BEND6: variants seen among roughly 807,000 people sequenced by gnomAD.
The protein encoded by BEND6 is BEN domain containing 6.
A neutral mutation model predicts 31.8 loss-of-function variants in BEND6; 24 were observed. The observed-to-expected ratio is 0.75, with a 90% confidence interval of 0.55 to 1.06. The LOEUF is 1.06. Among genes scored for constraint, BEND6 ranks in the 50% least tolerant of loss-of-function variants. The probability of loss-of-function intolerance (pLI) is 0.00; values close to 1 mark genes in which losing one functional copy is unlikely to be tolerated. For synonymous variants in BEND6, 109 were observed against 114.6 expected (o/e 0.95, Z 0.31); for missense variants, 294 against 327.4 (o/e 0.90, Z 0.79).
At chr6:56,987,642 A>G (rs370230923) in intron 2 of BEND6, among the ~76,000 whole-genome samples, 23 of 152,208 alleles carry the variant, frequency 1.5e-4, no homozygotes, top group African/African-American at 4.1e-4. Flanking sequence ...ATCAGATTTC[A>G]TGCTAATCAA....
rs939231931 is a variant in BEND6, at chr6:57,026,272, C to T, written c.*200C>T. 1 of 152,148 alleles carries T rather than the reference C, an allele frequency of 6.6e-6. No individual in the cohort carries two copies. The highest frequency in any genetic ancestry group is 1.5e-5 in the Non-Finnish European group (1 of 68,026). The allele number at this position is 152,148 out of a possible 1,614,324, so 9.4% of individuals were successfully genotyped here. A position where few individuals can be genotyped will look rare whatever the true frequency, so the allele number is the denominator to read the frequency against. ...CTGAAGAAGCTGCATGTAGATTCCA[C>T]CCTCAGTACTAGTGATGCATCAAAC... On this transcript the variant is annotated 3_prime_UTR_variant, in exon 7 of 7. Coordinates refer to ENST00000370746, the MANE Select transcript of BEND6 (RefSeq NM_152731.3).
intron 1 of BEND6, among the ~76,000 whole-genome samples, chr6:56,964,304 A>G (rs1386756265): frequency 6.6e-6 from 1 of 152,170 alleles, no homozygotes; most frequent in Non-Finnish European, 1.5e-5. Context: ...CTACCAATAA[A>G]AAAGAGTATC....
rs1439809794 is a variant in BEND6, at chr6:57,026,208, G to A, written c.*136G>A. On this transcript the variant is annotated 3_prime_UTR_variant, in exon 7 of 7. Transcript: ENST00000370746. ...TGCAGTGACAGGCTGTAAGACATAT[G>A]TAACATTGCTGAGCTCTCCTAAGGG... 1.1e-4 allele frequency: 17 copies of A among 152,190 alleles called. No homozygotes were observed. The highest frequency in any genetic ancestry group is 2.5e-4 in the Non-Finnish European group (17 of 68,034). 9.4% of individuals were successfully genotyped at this position (152,190 alleles called of 1,614,324 possible).
chr6:56,994,636 G>T (rs959728716), intron 3 of BEND6, among the ~76,000 whole-genome samples: 18 of 151,976 alleles, frequency 1.2e-4, no homozygotes, highest in African/African-American at 4.4e-4. Flanking sequence ...GTTGCTATGA[G>T]AATTCAATGA....
chr6:56,995,660 T>A (rs1826679953), intron 3 of BEND6, among the ~76,000 whole-genome samples: 1 of 152,170 alleles, frequency 6.6e-6, no homozygotes, highest in Non-Finnish European at 1.5e-5. Context: ...TGTTCTTGTG[T>A]GCTTCTCTCT....
Position 57,026,892 on chromosome 6 carries a change from T to A in BEND6, c.*820T>A, listed in dbSNP as rs1325670976. On this transcript the variant is annotated 3_prime_UTR_variant, in exon 7 of 7. Transcript: ENST00000370746. Reference sequence around the variant, plus strand: ...AGATGTGTAATATAAAGCATCAATATCACCTAACACATCGTATATAAGATA... The same window carrying A: ...AGATGTGTAATATAAAGCATCAATAACACCTAACACATCGTATATAAGATA... 6.6e-6 allele frequency: 1 copy of A among 152,214 alleles called. No individual in the cohort carries two copies. The highest frequency in any genetic ancestry group is 1.5e-5 in the Non-Finnish European group (1 of 68,042). 9.4% of individuals were successfully genotyped at this position (152,214 alleles called of 1,614,324 possible).
chr6:56,964,919 A>T (rs1232367824), intron 1 of BEND6, among the ~76,000 whole-genome samples: 1 of 152,190 alleles, frequency 6.6e-6, no homozygotes, highest in Non-Finnish European at 1.5e-5. Context: ...AAAGAGATTC[A>T]TCCCATTTCC....
chr6:56,966,808 T>G (rs1383489511), intron 1 of BEND6, among the ~76,000 whole-genome samples: 3 of 152,304 alleles, frequency 2.0e-5, no homozygotes, highest in Non-Finnish European at 4.4e-5. Context: ...ACAGAGGGAC[T>G]CTGGTACAGA....
intron 1 of BEND6, among the ~76,000 whole-genome samples, chr6:56,978,917 C>T (rs35735810): frequency 0.13 from 19,510 of 152,178 alleles, 1,462 homozygotes; most frequent in Middle Eastern, 0.2. Flanking sequence ...CAAGCACTTA[C>T]AGCAAAACTT....
At chr6:56,963,181 C>T (rs1477566143) in intron 1 of BEND6, among the ~76,000 whole-genome samples, 1 of 152,190 alleles carries the variant, frequency 6.6e-6, no homozygotes, top group African/African-American at 2.4e-5. Flanking sequence ...TGCAGCTCTT[C>T]CCCTAAAGGA....
intron 2 of BEND6, among the ~76,000 whole-genome samples, chr6:56,991,246 A>G (rs1016806508): frequency 1.3e-5 from 2 of 152,098 alleles, no homozygotes; most frequent in Non-Finnish European, 2.9e-5. Flanking sequence ...GCTCTTGCAA[A>G]TCTTTTGTTG....
intron 1 of BEND6, among the ~76,000 whole-genome samples, chr6:56,963,256 CCCTACCCAGATTAATGAAGGCCAACCCGA>C (rs1480815715): frequency 6.6e-6 from 1 of 152,154 alleles, no homozygotes. Context: ...CTTAGGCTAC[CCCTACCCAGATTAATGAAGGCCAACCCGA>C]CACTCCAGCA....
chr6:57,015,192 A>C lies in BEND6; in HGVS notation c.358A>C (p.Lys120Gln), dbSNP rs199545074. The change falls in exon 4 of 7, where the codon AAG becomes CAG. Residue 120 changes from lysine (K) to glutamine (Q), a missense_variant. Coordinates refer to ENST00000370746, the MANE Select transcript of BEND6 (RefSeq NM_152731.3). ...ELVGMAEALL[K>Q]GGGTMSTSAS... ...GGTTGGTATGGCCGAGGCTCTGCTT[A>C]AGGGTGGGGGAACCATGTCTACATC... The C allele has an allele frequency of 8.3e-4, 1,335 of 1,614,048 alleles. 1 individual carries two copies. The highest frequency in any genetic ancestry group is 1.1e-3 in the Non-Finnish European group (1,301 of 1,180,032).
At chr6:57,003,954 A>G (rs576419365) in intron 3 of BEND6, among the ~76,000 whole-genome samples, 1 of 152,344 alleles carries the variant, frequency 6.6e-6, no homozygotes, top group East Asian at 1.9e-4. Context: ...ATAGATGTGG[A>G]AAAAGCTTTA....
At position 56,968,312 on chromosome 6, in the gene BEND6, C is replaced by CTTTTTTTTTT. The variant is rs779756084; in HGVS notation, c.-101+12869_-101+12878dup. Among the ~76,000 whole-genome samples, 49 of 65,988 alleles carry CTTTTTTTTTT rather than the reference C, an allele frequency of 7.4e-4. 1 individual carries two copies. Among genetic ancestry groups the CTTTTTTTTTT allele is most frequent in the East Asian group, 2.7e-3 (5 of 1,820 alleles). 43.3% of individuals were successfully genotyped at this position (65,988 alleles called of 152,430 possible). ...TTCTTTTTCTTTCTTTCTTTCTTTT[C>CTTTTTTTTTT]TTTTTTTTTTTTTTTTTTTTTTTTT... On this transcript the variant is annotated intron_variant, in intron 1 of 6. Transcript: ENST00000370746.
chr6:56,991,711 A>G (rs1826508466), intron 2 of BEND6, among the ~76,000 whole-genome samples: 1 of 152,124 alleles, frequency 6.6e-6, no homozygotes, highest in Non-Finnish European at 1.5e-5. Flanking sequence ...ATATATATAC[A>G]GAAGAATACA....
rs908316781 is a variant in BEND6 at position 57,010,852 on chromosome 6, A to T, written c.299-4281A>T. 1.5e-5 allele frequency: 11 copies of T among 729,156 alleles called. No homozygotes were observed. The African/African-American group carries it at 2.1e-4, about 14-fold the overall frequency. 45.2% of individuals were successfully genotyped at this position (729,156 alleles called of 1,614,324 possible). A position where few individuals can be genotyped will look rare whatever the true frequency, so the allele number is the denominator to read the frequency against. On this transcript the variant is annotated intron_variant, in intron 3 of 6. Coordinates refer to ENST00000370746, the MANE Select transcript of BEND6 (RefSeq NM_152731.3). Reference sequence around the variant, plus strand: ...CTACTTTCAACTAAAATGAAAATTTAAATTATGTGTGTTTAAAATGTTATA... The same window carrying T: ...CTACTTTCAACTAAAATGAAAATTTTAATTATGTGTGTTTAAAATGTTATA...
intron 2 of BEND6, among the ~76,000 whole-genome samples, chr6:56,989,137 T>C (rs1826397978): frequency 6.6e-6 from 1 of 150,652 alleles, no homozygotes; most frequent in African/African-American, 2.4e-5. Flanking sequence ...TATTATATAT[T>C]ATGGATTATA....
intron 1 of BEND6, among the ~76,000 whole-genome samples, chr6:56,970,467 A>G (rs930875049): frequency 2.6e-5 from 4 of 152,090 alleles, no homozygotes; most frequent in African/African-American, 9.7e-5. Context: ...GAACCACCAC[A>G]CACTGCCCCA....
Sources: gnomAD v4.1 joint callset for allele counts (sites outside exome capture counted in the v4.1 genomes callset) on GRCh38, gnomAD v4.1.1 for gene constraint, MANE v1.5 for transcripts, NCBI Gene and HGNC (gene_info 2026-07-23, HGNC 2026-07-21) for gene names.